Variants in MACF1 observed in about 807,000 individuals in gnomAD.
The protein encoded by MACF1 is microtubule-actin cross-linking factor 1.
Under a neutral mutation model 854.8 loss-of-function variants are expected in MACF1, and 193 were observed. The observed-to-expected ratio is 0.23, with a 90% CI of 0.20 to 0.25. The LOEUF (loss-of-function observed/expected upper bound fraction) is 0.25. Ranked by LOEUF, MACF1 falls within the 10% of genes least tolerant of loss-of-function variation. The pLI is 1.00. For missense variants in MACF1, 7,722 were observed against 8,929.1 expected, an observed-to-expected ratio of 0.86 and a Z score of 5.45; for synonymous variants, 3,185 against 3,226.7, an observed-to-expected ratio of 0.99 and a Z score of 0.44.
chr1:39,185,017 C>T (rs1239407318), intron 2 of MACF1, among the ~76,000 whole-genome samples: 7 of 152,126 alleles, frequency 4.6e-5, no homozygotes, highest in African/African-American at 1.4e-4. Flanking sequence ...TGGTGCTGGG[C>T]GTGGTGGCAC....
At chr1:39,427,852 GT>G in intron 62 of MACF1, 108 bp from the exon 63 acceptor site, 1 of 1,024,928 alleles carries the variant, frequency 9.8e-7, no homozygotes, top group Non-Finnish European at 1.4e-6. Flanking sequence ...CTTTCAGTCG[GT>G]GAGTTTTTTA....
At chr1:39,463,831 T>C in intron 94 of MACF1, 145 bp downstream of exon 94, 1 of 640,254 alleles carries the variant, frequency 1.6e-6, no homozygotes, top group Non-Finnish European at 2.8e-6. Context: ...AGATGCCAAG[T>C]GTCAGGTACC....
rs113656462 is a variant in MACF1, at chr1:39,283,758, G to A, written c.915+243G>A. Among the ~76,000 whole-genome samples the A allele has an allele frequency of 2.2e-4, 34 of 152,250 alleles. No homozygotes were observed. Among genetic ancestry groups the A allele is most frequent in the African/African-American group, 6.7e-4 (28 of 41,530 alleles). ...GCAAAGAATGTCTCTTTCATCCCCA[G>A]CTGTAATTCAAGATGAGGAAGTGTT... On this transcript the variant is annotated intron_variant, in intron 9 of 100. Transcript: ENST00000564288. The surrounding 1 kb of genome is among the most constrained non-coding windows in gnomAD (Gnocchi z 4.5).
Position 39,447,316 on chromosome 1 carries a change from T to A in MACF1, c.19606-116T>A. On this transcript the variant is annotated intron_variant, in intron 80 of 100. Coordinates refer to ENST00000564288, the MANE Select transcript of MACF1 (RefSeq NM_001394062.1). ...TGTTTGGACGTTGATTAAATGAGGCTTCCTTTTTAGAGGTCATTTCATTTG... is the reference window on the plus strand; with the variant it reads ...TGTTTGGACGTTGATTAAATGAGGCATCCTTTTTAGAGGTCATTTCATTTG... The A allele has an allele frequency of 3.2e-6, 3 of 951,370 alleles. No homozygotes were observed. The South Asian group carries it at 5.0e-5, about 16-fold the overall frequency. 58.9% of individuals were successfully genotyped at this position (951,370 alleles called of 1,614,324 possible). A position where few individuals can be genotyped will look rare whatever the true frequency, so the allele number is the denominator to read the frequency against.
chr1:39,444,904 T>G, intron 80 of MACF1, 69 bp downstream of exon 80: 1 of 1,409,884 alleles, frequency 7.1e-7, no homozygotes, highest in Non-Finnish European at 9.6e-7. Context: ...TGCCATCTTA[T>G]TTATATGAAG....
At chr1:39,356,010 T>C (rs1647531405) in intron 44 of MACF1, among the ~76,000 whole-genome samples, 2 of 152,204 alleles carry the variant, frequency 1.3e-5, no homozygotes, top group African/African-American at 2.4e-5. Context: ...ATCAGGTTGT[T>C]GTTGATACAG....
chr1:39,423,787 A>G (rs1161559136), intron 60 of MACF1, among the ~76,000 whole-genome samples: 1 of 152,000 alleles, frequency 6.6e-6, no homozygotes, highest in East Asian at 1.9e-4. Flanking sequence ...GTTCAAAGGA[A>G]GTTCCCTGTT....
chr1:39,283,920 C>A lies in MACF1; in HGVS notation c.916-146C>A. On this transcript the variant is annotated intron_variant, in intron 9 of 100. Coordinates refer to ENST00000564288, the MANE Select transcript of MACF1 (RefSeq NM_001394062.1). The surrounding 1 kb of genome is among the most constrained non-coding windows in gnomAD (Gnocchi z 4.5). ...TGAGAGCCCTTGAGGAGCTTTGAAG[C>A]TAGTACTGTGAGCATTAAACTGAGC... is the stretch of plus-strand genomic sequence containing the variant. 1.2e-6 allele frequency: 1 copy of A among 849,846 alleles called. No individual in the cohort carries two copies. The highest frequency in any genetic ancestry group is 1.8e-6 in the Non-Finnish European group (1 of 542,304). The allele number at this position is 849,846 out of a possible 1,614,324, so 52.6% of individuals were successfully genotyped here.
chr1:39,214,273 C>G (rs1162944285), intron 1 of MACF1, among the ~76,000 whole-genome samples: 1 of 152,114 alleles, frequency 6.6e-6, no homozygotes, highest in Non-Finnish European at 1.5e-5. Flanking sequence ...ACTTTTCTGT[C>G]CCCTGGTTGG....
At chr1:39,479,682 G>A (rs1644979546) in intron 97 of MACF1, 116 bp from the exon 98 acceptor site, 2 of 814,972 alleles carry the variant, frequency 2.5e-6, no homozygotes, top group South Asian at 1.7e-5. Flanking sequence ...CCCACAGATG[G>A]TACTAAACCC....
intron 58 of MACF1, among the ~76,000 whole-genome samples, chr1:39,421,649 G>A (rs1461151891): frequency 6.6e-6 from 1 of 152,170 alleles, no homozygotes. Flanking sequence ...TTCCCCAAGG[G>A]ATATTCCATC....
chr1:39,367,862 C>G (rs962364441), intron 49 of MACF1, among the ~76,000 whole-genome samples: 1 of 151,464 alleles, frequency 6.6e-6, no homozygotes, highest in African/African-American at 2.4e-5. Flanking sequence ...CCCAGCTGCT[C>G]GAGATGCTGA....
intron 7 of MACF1, among the ~76,000 whole-genome samples, chr1:39,282,632 A>C (rs1266155582): frequency 6.6e-6 from 1 of 152,242 alleles, no homozygotes; most frequent in African/African-American, 2.4e-5. Flanking sequence ...GCCATCAAGC[A>C]GTGGTAAATG....
At position 39,412,742 on chromosome 1, in the gene MACF1, A is replaced by C. The variant is rs200556320; in HGVS notation, c.15817-9632A>C. On this transcript the variant is annotated intron_variant, in intron 58 of 100. Coordinates refer to ENST00000564288, the MANE Select transcript of MACF1 (RefSeq NM_001394062.1). ...GGTAATACTGAACCAGTTTTAGAGG[A>C]ATGGATACCCGTCCTCCAGAGACCT... The C allele has an allele frequency of 7.2e-4, 1,160 of 1,613,540 alleles. 1 individual carries two copies. The highest frequency in any genetic ancestry group is 9.2e-4 in the Non-Finnish European group (1,088 of 1,179,702).
intron 58 of MACF1, among the ~76,000 whole-genome samples, chr1:39,388,872 CTTTTTTTT>C (rs548104092): frequency 2.3e-5 from 2 of 87,242 alleles, no homozygotes; most frequent in Admixed American, 1.4e-4. Context: ...TCTTCTTCTT[CTTTTTTTT>C]TTTTTTTTTT....
intron 26 of MACF1, among the ~76,000 whole-genome samples, chr1:39,314,569 T>TCTCACACA (rs1379643806): frequency 1.3e-3 from 83 of 65,356 alleles, no homozygotes; most frequent in Non-Finnish European, 2.1e-3. Flanking sequence ...TCTCTCTCTC[T>TCTCACACA]CACACACACA....
intron 58 of MACF1, among the ~76,000 whole-genome samples, chr1:39,399,237 A>ATTT (rs1209485638): frequency 6.6e-6 from 1 of 152,044 alleles, no homozygotes; most frequent in Non-Finnish European, 1.5e-5. Context: ...TCTTGGATGT[A>ATTT]TTTGATCCCC....
chr1:39,231,693 C>CT (rs554909886), intron 2 of MACF1, among the ~76,000 whole-genome samples: 5,272 of 146,174 alleles, frequency 0.036, 136 homozygotes, highest in East Asian at 0.13. Context: ...AAGCCTGTTT[C>CT]TTTTTTTTTT....
Position 39,189,629 on chromosome 1 carries a change from A to G in MACF1, c.221-41553A>G, listed in dbSNP as rs1571152831. ...CTGGAGTGTTTACTCTTCTTATTTCAGACTGTTGAAATCCTATACATTCTT... is the reference window on the plus strand; with the variant it reads ...CTGGAGTGTTTACTCTTCTTATTTCGGACTGTTGAAATCCTATACATTCTT... On this transcript the variant is annotated intron_variant, in intron 2 of 93. Coordinates refer to the MACF1 transcript ENST00000361689. Among the ~76,000 whole-genome samples, 3 of 152,170 alleles carry G rather than the reference A, an allele frequency of 2.0e-5. No homozygotes were observed. The East Asian group carries it at 5.8e-4, about 29-fold the overall frequency.
Sources: gnomAD v4.1 joint callset for allele counts (sites outside exome capture counted in the v4.1 genomes callset) on GRCh38, gnomAD v4.1.1 for gene constraint, Gnocchi (gnomAD v3.1) non-coding constraint, MANE v1.5 for transcripts, NCBI Gene and HGNC (gene_info 2026-07-23, HGNC 2026-07-21) for gene names.